The following GOLT1B variants were observed in gnomAD, a reference collection of about 807,000 sequenced individuals.
The protein encoded by GOLT1B is vesicle transport protein GOT1B.
GOLT1B carries 3 observed loss-of-function variants against 15.4 expected under a neutral mutation model. The observed-to-expected ratio is 0.19, with a 90% CI of 0.09 to 0.50. GOLT1B has a LOEUF of 0.50. Ranked by LOEUF, GOLT1B falls within the 20% of genes least tolerant of loss-of-function variation. The pLI is 0.97. For synonymous variants in GOLT1B, 65 were observed against 56.2 expected, an observed-to-expected ratio of 1.16 and a Z score of -0.70; for missense variants, 145 against 160.4, an observed-to-expected ratio of 0.90 and a Z score of 0.52.
At chr12:21,507,802 C>G (rs140040631) in intron 2 of GOLT1B, 58 of 326,502 alleles carry the variant, frequency 1.8e-4, no homozygotes, top group African/African-American at 1.2e-3. Flanking sequence ...AGAATACATT[C>G]AAAATATTTG....
chr12:21,513,750 C>T (rs150675079), intron 4 of GOLT1B, among the ~76,000 whole-genome samples: 111 of 152,214 alleles, frequency 7.3e-4, no homozygotes, highest in African/African-American at 2.6e-3. Context: ...AAGCGATGCT[C>T]ACACCGCCAC....
intron 3 of GOLT1B, among the ~76,000 whole-genome samples, chr12:21,510,702 C>A (rs998510661): frequency 6.6e-6 from 1 of 152,198 alleles, no homozygotes; most frequent in Non-Finnish European, 1.5e-5. Flanking sequence ...TTCATTACTA[C>A]TAGAAAATGA....
At position 21,505,833 on chromosome 12, in the gene GOLT1B, C is replaced by G. The variant is rs370896289; in HGVS notation, c.26-1052C>G. Among the ~76,000 whole-genome samples the G allele has an allele frequency of 2.6e-5, 4 of 152,144 alleles. No homozygotes were observed. In the East Asian group the frequency reaches 7.7e-4, roughly 29 times the overall value. Reference sequence around the variant, plus strand: ...TATGCAGATTGTGCTTCTAACTAAACTACGGATTAATGGCTATTTTCTAGA... The same window carrying G: ...TATGCAGATTGTGCTTCTAACTAAAGTACGGATTAATGGCTATTTTCTAGA... On this transcript the variant is annotated intron_variant, in intron 1 of 4. Coordinates refer to ENST00000229314, the MANE Select transcript of GOLT1B (RefSeq NM_016072.5).
At position 21,508,499 on chromosome 12, in the gene GOLT1B, C is replaced by T. The variant is rs1381544242; in HGVS notation, c.234C>T (p.Val78=). ...TTTTTCTGGGTGGTGTATTTGTAGTCCTTATTGGTTGGCCTTTGATAGGCA... is the reference window on the plus strand; with the variant it reads ...TTTTTCTGGGTGGTGTATTTGTAGTTCTTATTGGTTGGCCTTTGATAGGCA... ...TGFFLGGVFV[V]LIGWPLIGMI... The change falls in exon 3 of 5, where the codon GTC becomes GTT. Residue 78 remains valine, a synonymous_variant. Coordinates refer to ENST00000229314, the MANE Select transcript of GOLT1B (RefSeq NM_016072.5). The T allele has an allele frequency of 6.3e-7, 1 of 1,586,642 alleles. No individual in the cohort carries two copies. Among genetic ancestry groups the T allele is most frequent in the Admixed American group, 1.7e-5 (1 of 59,236 alleles).
At chr12:21,512,795 G>A (rs1429112325) in intron 4 of GOLT1B, among the ~76,000 whole-genome samples, 21 of 152,204 alleles carry the variant, frequency 1.4e-4, no homozygotes, top group Admixed American at 1.2e-3. Flanking sequence ...AAATAAGGCC[G>A]GGTGTGGTGG....
rs907785423 is a variant in GOLT1B, at chr12:21,516,043, C to A, written c.*336C>A. The A allele has an allele frequency of 5.4e-5, 11 of 203,134 alleles. No homozygotes were observed. The highest frequency in any genetic ancestry group is 7.0e-5 in the African/African-American group (3 of 43,134). The allele number at this position is 203,134 out of a possible 1,614,324, so 12.6% of individuals were successfully genotyped here. A position where few individuals can be genotyped will look rare whatever the true frequency, so the allele number is the denominator to read the frequency against. ...GAGAACTGTGGTGCCTGTTTCTTTT[C>A]TTTTTATTTTGAAGGCTCAGGAGCA... is the stretch of plus-strand genomic sequence containing the variant. On this transcript the variant is annotated 3_prime_UTR_variant, in exon 5 of 5. Coordinates refer to ENST00000229314, the MANE Select transcript of GOLT1B (RefSeq NM_016072.5).
At chr12:21,515,250 C>T in intron 4 of GOLT1B, 1 of 1,463,412 alleles carries the variant, frequency 6.8e-7, no homozygotes. Context: ...TACATAGGCC[C>T]AGAAGAGATC....
chr12:21,509,297 G>T (rs999511524), intron 3 of GOLT1B, among the ~76,000 whole-genome samples: 1 of 148,960 alleles, frequency 6.7e-6, no homozygotes, highest in Admixed American at 6.8e-5. Context: ...TACTCGGGAG[G>T]CTGAGGCAGG....
chr12:21,505,771 T>G (rs1354340737), intron 1 of GOLT1B, among the ~76,000 whole-genome samples: 1 of 152,136 alleles, frequency 6.6e-6, no homozygotes, highest in African/African-American at 2.4e-5. Context: ...TAAATTGTGC[T>G]TCTAAAAATA....
intron 1 of GOLT1B, chr12:21,504,491 AAGT>A (rs1453257009): frequency 6.4e-6 from 3 of 468,118 alleles, no homozygotes; most frequent in Middle Eastern, 3.2e-4. Context: ...GTACTGGATA[AAGT>A]AGTGGAATAT....
At chr12:21,513,314 T>G (rs577623493) in intron 4 of GOLT1B, among the ~76,000 whole-genome samples, 2 of 152,196 alleles carry the variant, frequency 1.3e-5, no homozygotes, top group South Asian at 4.1e-4. Flanking sequence ...TCAACAAATG[T>G]TTCGTACTAA....
chr12:21,515,709 A>G lies in GOLT1B; in HGVS notation c.*2A>G. The G allele has an allele frequency of 7.9e-7, 1 of 1,269,640 alleles. No homozygotes were observed. The highest frequency in any genetic ancestry group is 1.1e-6 in the Non-Finnish European group (1 of 879,182). The allele number at this position is 1,269,640 out of a possible 1,614,324, so 78.6% of individuals were successfully genotyped here. On this transcript the variant is annotated 3_prime_UTR_variant, in exon 5 of 5. Transcript: ENST00000229314. ...GGAGAAAGCAACAATATGGTATAAC[A>G]ACAAGTGAATTTGAAGACTCATTTA...
At chr12:21,510,959 G>A (rs1446139309) in intron 3 of GOLT1B, among the ~76,000 whole-genome samples, 1 of 152,184 alleles carries the variant, frequency 6.6e-6, no homozygotes, top group African/African-American at 2.4e-5. Context: ...CCAAATGGGT[G>A]GGGGGTTTTC....
intron 4 of GOLT1B, among the ~76,000 whole-genome samples, chr12:21,513,578 GCT>G (rs1943735449): frequency 6.6e-6 from 1 of 151,896 alleles, no homozygotes; most frequent in African/African-American, 2.4e-5. Context: ...CTCCCAAAGT[GCT>G]GGGATTACAG....
chr12:21,504,607 A>C, intron 1 of GOLT1B: 1 of 505,632 alleles, frequency 2.0e-6, no homozygotes, highest in Non-Finnish European at 4.0e-6. Context: ...TACCACCAGC[A>C]CCCACACACA....
chr12:21,503,971 G>T (rs1943659890), intron 1 of GOLT1B, among the ~76,000 whole-genome samples: 2 of 152,168 alleles, frequency 1.3e-5, no homozygotes, highest in South Asian at 4.1e-4. Flanking sequence ...TGTGATAATT[G>T]CATTCTCCAG....
intron 1 of GOLT1B, among the ~76,000 whole-genome samples, chr12:21,504,075 GAT>G (rs1205978596): frequency 6.6e-6 from 1 of 152,206 alleles, no homozygotes; most frequent in African/African-American, 2.4e-5. Context: ...TTGTGAATAA[GAT>G]ATCAAAATGC....
rs540059192 is a variant in GOLT1B, at chr12:21,514,591, C to G, written c.379-1078C>G. Among the ~76,000 whole-genome samples, 4 of 152,272 alleles carry G rather than the reference C, an allele frequency of 2.6e-5. No homozygotes were observed. The East Asian group carries it at 7.7e-4, about 29-fold the overall frequency. On this transcript the variant is annotated intron_variant, in intron 4 of 4. Transcript: ENST00000229314. ...ACTTTTAGTTTCAGTGGCCAGCCACCTGTTTGTGATAATATAACAAAATGT... is the reference window on the plus strand; with the variant it reads ...ACTTTTAGTTTCAGTGGCCAGCCACGTGTTTGTGATAATATAACAAAATGT...
chr12:21,515,378 ATCTTATACAATT>A (rs1374950296), intron 4 of GOLT1B: 4 of 602,846 alleles, frequency 6.6e-6, no homozygotes, highest in Admixed American at 3.2e-5. Flanking sequence ...TGTTATCTTC[ATCTTATACAATT>A]TCTTTATTCA....
Sources: allele counts gnomAD v4.1 joint callset (sites outside exome capture counted in the v4.1 genomes callset), GRCh38; gene constraint gnomAD v4.1.1; transcripts MANE v1.5; gene names NCBI Gene and HGNC (gene_info 2026-07-23, HGNC 2026-07-21).